ZFAND5: variants seen among roughly 807,000 people sequenced by gnomAD.
ZFAND5 encodes the protein AN1-type zinc finger protein 5.
Under a neutral mutation model 23.6 loss-of-function variants are expected in ZFAND5, and 4 were observed. The observed-to-expected ratio is 0.17, with a 90% CI of 0.08 to 0.39. ZFAND5 has a LOEUF of 0.39. ZFAND5 is among the 10% of genes least tolerant of loss of function. The pLI is 1.00. For synonymous variants in ZFAND5, 68 were observed against 80.6 expected (o/e 0.84, Z 0.84); for missense variants, 161 against 253.7 (o/e 0.63, Z 2.48).
chr9:72,355,777 C>T lies in ZFAND5; in HGVS notation c.*176G>A. 5.0e-6 allele frequency: 3 copies of T among 595,938 alleles called. No homozygotes were observed. Among genetic ancestry groups the T allele is most frequent in the Non-Finnish European group, 8.3e-6 (3 of 361,892 alleles). The allele number at this position is 595,938 out of a possible 1,614,324, so 36.9% of individuals were successfully genotyped here. ...TATACATTTGTAGGGCTGTATCTAT[C>T]CAATTCTGCCTGTAACAAACACCCA... is the stretch of plus-strand genomic sequence containing the variant. On this transcript the variant is annotated 3_prime_UTR_variant, in exon 7 of 7. Transcript: ENST00000376962.
intron 6 of ZFAND5, among the ~76,000 whole-genome samples, 178 bp from the exon 7 acceptor site, chr9:72,356,279 G>A (rs769891221): frequency 6.6e-6 from 1 of 152,182 alleles, no homozygotes; most frequent in Non-Finnish European, 1.5e-5. Flanking sequence ...AGTCTATCAC[G>A]TTAACCTGGA....
intron 5 of ZFAND5, among the ~76,000 whole-genome samples, chr9:72,357,430 A>G (rs1012610915): frequency 2.0e-5 from 3 of 152,172 alleles, no homozygotes; most frequent in Non-Finnish European, 4.4e-5. Context: ...CAAACTTTTC[A>G]ATCAGGGCAG....
intron 6 of ZFAND5, among the ~76,000 whole-genome samples, 173 bp from the exon 7 acceptor site, chr9:72,356,274 A>G (rs1190624020): frequency 6.6e-6 from 1 of 152,222 alleles, no homozygotes; most frequent in Non-Finnish European, 1.5e-5. Flanking sequence ...TACAGAGTCT[A>G]TCACGTTAAC....
chr9:72,364,304 G>A lies in ZFAND5; in HGVS notation c.-147+392C>T. ...CCCGACCCCGAACGGCTCCTCTTAG[G>A]GGAGAGCTAGGGGGGGCTGCAACGG... On this transcript the variant is annotated intron_variant, in intron 1 of 6. Coordinates refer to ENST00000376962, the MANE Select transcript of ZFAND5 (RefSeq NM_001102420.3). The A allele has an allele frequency of 3.5e-6, 3 of 847,352 alleles. No individual in the cohort carries two copies. The South Asian group carries it at 5.8e-5, about 16-fold the overall frequency. 52.5% of individuals were successfully genotyped at this position (847,352 alleles called of 1,614,324 possible).
chr9:72,360,114 A>G lies in ZFAND5; in HGVS notation c.259T>C (p.Ser87Pro). 1 of 1,609,238 alleles carries G rather than the reference A, an allele frequency of 6.2e-7. No homozygotes were observed. Among genetic ancestry groups the G allele is most frequent in the East Asian group, 2.2e-5 (1 of 44,838 alleles). ...CTCTGAAACGTTCAATCTTACCTTG[A>G]TTTTTCAGATGTGCTGCCAGCAGCA... ...EGAAGSTSEK[S>P]RNVPVAALPV... Residue 87 changes from serine to proline, a missense_variant, in exon 4 of 7, where the codon TCA becomes CCA. Ser to Pro is a moderately conservative substitution (Grantham distance 74). Coordinates refer to ENST00000376962, the MANE Select transcript of ZFAND5 (RefSeq NM_001102420.3).
chr9:72,360,304 A>T, intron 3 of ZFAND5, 83 bp from the exon 4 acceptor site: 1 of 1,187,522 alleles, frequency 8.4e-7, no homozygotes, highest in Non-Finnish European at 1.2e-6. Context: ...AAATACTTGC[A>T]TTTAATTAGG....
intron 5 of ZFAND5, among the ~76,000 whole-genome samples, chr9:72,358,555 G>A (rs13292980): frequency 0.049 from 7,491 of 152,044 alleles, 258 homozygotes; most frequent in Middle Eastern, 0.12. Flanking sequence ...AAGGCATCAC[G>A]GGCAAACTAA....
chr9:72,357,596 A>C (rs948588971), intron 5 of ZFAND5, among the ~76,000 whole-genome samples: 2 of 152,182 alleles, frequency 1.3e-5, no homozygotes, highest in Admixed American at 6.5e-5. Context: ...ATTCCAAAAC[A>C]ATCATTTTAC....
intron 2 of ZFAND5, among the ~76,000 whole-genome samples, chr9:72,362,985 TAAGAA>T (rs1403419526): frequency 1.3e-5 from 2 of 151,706 alleles, no homozygotes; most frequent in Non-Finnish European, 2.9e-5. Flanking sequence ...ATATCTAACA[TAAGAA>T]AACAAAAAAA....
At chr9:72,360,333 ACT>A in intron 3 of ZFAND5, 112 bp from the exon 4 acceptor site, 3 of 968,824 alleles carry the variant, frequency 3.1e-6, no homozygotes, top group Non-Finnish European at 4.7e-6. Flanking sequence ...ATAAGCATTC[ACT>A]GTGCTGTAAT....
chr9:72,356,111 C>T lies in ZFAND5; in HGVS notation c.494-10G>A, dbSNP rs192048027. On this transcript the variant is annotated splice_polypyrimidine_tract_variant and intron_variant, in intron 6 of 6. Coordinates refer to ENST00000376962, the MANE Select transcript of ZFAND5 (RefSeq NM_001102420.3). The stretch of plus-strand genomic sequence containing the variant: ...CATCGGCAGTCAAACCCTGTACAAA[C>T]GAAGAAGTAGAGTCATTTGAGAACT... The T allele has an allele frequency of 1.7e-5, 27 of 1,599,696 alleles. No homozygotes were observed. The East Asian group carries it at 1.8e-4, about 11-fold the overall frequency.
chr9:72,361,023 T>C (rs1479670342), intron 2 of ZFAND5, among the ~76,000 whole-genome samples: 1 of 152,220 alleles, frequency 6.6e-6, no homozygotes, highest in African/African-American at 2.4e-5. Context: ...AGGGTATTTT[T>C]ACCTATCACT....
intron 5 of ZFAND5, 139 bp from the exon 6 acceptor site, chr9:72,357,195 C>T (rs916281434): frequency 2.9e-6 from 3 of 1,030,344 alleles, no homozygotes; most frequent in African/African-American, 1.6e-5. Context: ...AAGCTTTAAA[C>T]AGAATCTTCC....
intron 1 of ZFAND5, chr9:72,363,862 T>A (rs1233023837): frequency 6.4e-6 from 1 of 155,930 alleles, no homozygotes; most frequent in African/African-American, 2.4e-5. Flanking sequence ...TCTTGGTATC[T>A]CCTTAGATGC....
Position 72,360,185 on chromosome 9 carries a change from G to C in ZFAND5, c.188C>G (p.Ser63Cys), listed in dbSNP as rs372055218. The C allele has an allele frequency of 8.1e-6, 13 of 1,613,070 alleles. No homozygotes were observed. The highest frequency in any genetic ancestry group is 1.1e-5 in the Non-Finnish European group (13 of 1,179,360). Residue 63 changes from serine (S) to cysteine (C), a missense_variant, in exon 4 of 7, where the codon TCT becomes TGT. Ser to Cys is a moderately radical substitution (Grantham distance 112). Transcript: ENST00000376962. ...AGTGTCTGCTCTCTGTACAGATGCAGAATCTGAGGTAGGACTGTTGGAACC... is the reference window on the plus strand; with the variant it reads ...AGTGTCTGCTCTCTGTACAGATGCACAATCTGAGGTAGGACTGTTGGAACC... Reference protein sequence around the residue: ...ASGSNSPTSDSASVQRADTSL... With the variant: ...ASGSNSPTSDCASVQRADTSL...
intron 2 of ZFAND5, among the ~76,000 whole-genome samples, chr9:72,362,601 A>G (rs1885548): frequency 0.054 from 8,291 of 152,318 alleles, 286 homozygotes; most frequent in Middle Eastern, 0.12. Context: ...CAGAGATAAC[A>G]AAGTATTCCA....
chr9:72,357,658 A>C (rs1467371582), intron 5 of ZFAND5, among the ~76,000 whole-genome samples: 1 of 152,152 alleles, frequency 6.6e-6, no homozygotes, highest in East Asian at 1.9e-4. Context: ...GATTTTTTTA[A>C]ACCTTGGTTT....
At chr9:72,364,480 A>G in intron 1 of ZFAND5, 1 of 1,280,780 alleles carries the variant, frequency 7.8e-7, no homozygotes. Flanking sequence ...GGAGCGAGCC[A>G]GGGACGCCGG....
At position 72,356,111 on chromosome 9, in the gene ZFAND5, CG is replaced by C. The variant is rs780447039; in HGVS notation, c.494-11del. 4 of 1,599,696 alleles carry C rather than the reference CG, an allele frequency of 2.5e-6. No homozygotes were observed. In the South Asian group the frequency reaches 4.6e-5, roughly 18 times the overall value. On this transcript the variant is annotated splice_polypyrimidine_tract_variant and intron_variant, in intron 6 of 6. Transcript: ENST00000376962. ...CATCGGCAGTCAAACCCTGTACAAA[CG>C]AAGAAGTAGAGTCATTTGAGAACTT...
Sources: gnomAD v4.1 joint callset for allele counts (sites outside exome capture counted in the v4.1 genomes callset) on GRCh38, gnomAD v4.1.1 for gene constraint, MANE v1.5 for transcripts, NCBI Gene and HGNC (gene_info 2026-07-23, HGNC 2026-07-21) for gene names.